MLLT1: variants seen among roughly 807,000 people sequenced by gnomAD.
MLLT1 encodes protein ENL.
A neutral mutation model predicts 55.1 loss-of-function variants in MLLT1; 11 were observed. The observed-to-expected ratio is 0.20, with a 90% CI of 0.13 to 0.33. The LOEUF (loss-of-function observed/expected upper bound fraction) is 0.33. Ranked by LOEUF, MLLT1 falls within the 10% of genes least tolerant of loss-of-function variation. The probability of loss-of-function intolerance (pLI) is 1.00; values close to 1 mark genes in which losing one functional copy is unlikely to be tolerated. For synonymous variants in MLLT1, 323 were observed against 320.1 expected, an observed-to-expected ratio of 1.01 and a Z score of -0.10; for missense variants, 536 against 760.6, an observed-to-expected ratio of 0.70 and a Z score of 3.47.
intron 1 of MLLT1, among the ~76,000 whole-genome samples, chr19:6,271,359 A>G (rs2091393933): frequency 6.6e-6 from 1 of 152,006 alleles, no homozygotes; most frequent in Non-Finnish European, 1.5e-5. Flanking sequence ...TCCTTTCCCT[A>G]AGTCATCAGC....
At chr19:6,263,149 A>G (rs370685959) in intron 2 of MLLT1, 2 of 152,394 alleles carry the variant, frequency 1.3e-5, no homozygotes, top group Middle Eastern at 3.4e-3. Flanking sequence ...GTGCCACTGC[A>G]CTCCAGCCTG....
chr19:6,268,453 G>A (rs546523578), intron 2 of MLLT1, among the ~76,000 whole-genome samples: 5 of 152,314 alleles, frequency 3.3e-5, no homozygotes, highest in East Asian at 1.9e-4. Context: ...AGACAGCCCC[G>A]GGGAGGGAGG....
At chr19:6,243,929 A>G (rs933228744) in intron 3 of MLLT1, among the ~76,000 whole-genome samples, 1 of 151,760 alleles carries the variant, frequency 6.6e-6, no homozygotes. Flanking sequence ...CTGTAGTCCC[A>G]GCCACTCGGG....
intron 1 of MLLT1, among the ~76,000 whole-genome samples, chr19:6,277,355 G>A (rs972110891): frequency 3.9e-5 from 6 of 152,184 alleles, no homozygotes; most frequent in Non-Finnish European, 4.4e-5. Context: ...CATCACCATC[G>A]ACGGAACTTT....
At position 6,211,514 on chromosome 19, in the gene MLLT1, G is replaced by T; in HGVS notation, c.*1528C>A. 2 of 746,328 alleles carry T rather than the reference G, an allele frequency of 2.7e-6. No homozygotes were observed. The highest frequency in any genetic ancestry group is 3.4e-6 in the Non-Finnish European group (2 of 587,622). The allele number at this position is 746,328 out of a possible 1,614,324, so 46.2% of individuals were successfully genotyped here. A position where few individuals can be genotyped will look rare whatever the true frequency, so the allele number is the denominator to read the frequency against. On this transcript the variant is annotated 3_prime_UTR_variant, in exon 12 of 12. Transcript: ENST00000252674. The surrounding 1 kb of genome is among the most constrained non-coding windows in gnomAD (Gnocchi z 4.6). ...GACAAGATGAGGGACCTCAGGGAGG[G>T]ACAGATGGAGCCCCCCAAGTCTGAA...
In MLLT1 at chr19:6,216,387, C is replaced by T. The variant is rs751549924; in HGVS notation, c.1307+18G>A. On this transcript the variant is annotated intron_variant, in intron 8 of 11. Coordinates refer to ENST00000252674, the MANE Select transcript of MLLT1 (RefSeq NM_005934.4). ...CCGGGTGGCCGCCTCCGCCCCCTGG[C>T]TCCCACCGGGCCGTCACCTGGAGTC... 1.9e-6 allele frequency: 3 copies of T among 1,577,954 alleles called. No homozygotes were observed. The highest frequency in any genetic ancestry group is 2.6e-6 in the Non-Finnish European group (3 of 1,159,672).
intron 1 of MLLT1, among the ~76,000 whole-genome samples, chr19:6,279,558 G>T (rs1043946259): frequency 6.6e-6 from 1 of 151,780 alleles, no homozygotes; most frequent in African/African-American, 2.4e-5. Context: ...TCCGGGCCCG[G>T]CCCGGGTCCC....
rs1384473574 is a variant in MLLT1 at position 6,262,254 on chromosome 19, G to C, written c.250C>G (p.Pro84Ala). 9.3e-6 allele frequency: 15 copies of C among 1,613,750 alleles called. No homozygotes were observed. The Admixed American group carries it at 2.3e-4, about 25-fold the overall frequency. ...TTGTTTTTGAAGTGCACCTCGATGGGCATGATGAAGCCAGCGTACCCCGAC... is the reference window on the plus strand; with the variant it reads ...TTGTTTTTGAAGTGCACCTCGATGGCCATGATGAAGCCAGCGTACCCCGAC... ...EESGYAGFIM[P>A]IEVHFKNKEE... is the part of the protein sequence containing the mutation. The change falls in exon 3 of 12, where the codon CCC becomes GCC. Residue 84 changes from proline to alanine, a missense_variant. This residue lies in a region of MLLT1 where 62 missense variants were observed against 195.8 expected (regional missense o/e 0.32). Coordinates refer to ENST00000252674, the MANE Select transcript of MLLT1 (RefSeq NM_005934.4). The surrounding 1 kb of genome is among the most constrained non-coding windows in gnomAD (Gnocchi z 4.4).
intron 3 of MLLT1, among the ~76,000 whole-genome samples, chr19:6,250,462 C>A (rs1157242517): frequency 6.6e-6 from 1 of 152,164 alleles, no homozygotes; most frequent in Admixed American, 6.5e-5. Flanking sequence ...TTCCAGGACA[C>A]CCTCTGGATA....
In MLLT1 at chr19:6,212,905, C is replaced by T. The variant is rs1040242923; in HGVS notation, c.*137G>A. 5 of 1,177,876 alleles carry T rather than the reference C, an allele frequency of 4.2e-6. No homozygotes were observed. Among genetic ancestry groups the T allele is most frequent in the Non-Finnish European group, 5.8e-6 (5 of 855,936 alleles). 73.0% of individuals were successfully genotyped at this position (1,177,876 alleles called of 1,614,324 possible). ...GGGCAGGGAGCCGCCGAGGAAAGTG[C>T]AGCGGGCTGTGCGGGCGAGGACAGG... On this transcript the variant is annotated 3_prime_UTR_variant, in exon 12 of 12. Coordinates refer to ENST00000252674, the MANE Select transcript of MLLT1 (RefSeq NM_005934.4).
Position 6,255,436 on chromosome 19 carries a change from T to C in MLLT1, c.276+6792A>G, listed in dbSNP as rs141099092. Among the ~76,000 whole-genome samples the C allele has an allele frequency of 1.9e-3, 289 of 152,266 alleles. 1 individual carries two copies. The highest frequency in any genetic ancestry group is 6.7e-3 in the African/African-American group (279 of 41,538). Reference sequence around the variant, plus strand: ...TGAATCCAGGAGGCAGAGGTTGCAGTGAGCCAAGATCGTGCCACTGCACTC... The same window carrying C: ...TGAATCCAGGAGGCAGAGGTTGCAGCGAGCCAAGATCGTGCCACTGCACTC... On this transcript the variant is annotated intron_variant, in intron 3 of 11. Transcript: ENST00000252674.
rs1041260525 is a variant in MLLT1 at position 6,212,190 on chromosome 19, C to G, written c.*852G>C. On this transcript the variant is annotated 3_prime_UTR_variant, in exon 12 of 12. Coordinates refer to ENST00000252674, the MANE Select transcript of MLLT1 (RefSeq NM_005934.4). ...TGTTGGCGCTAGTCTGAGTAGAGCC[C>G]GAGAGCAGACTGGTGGCTCCCGGGC... is the stretch of plus-strand genomic sequence containing the variant. 5.6e-6 allele frequency: 6 copies of G among 1,066,216 alleles called. No individual in the cohort carries two copies. Among genetic ancestry groups the G allele is most frequent in the African/African-American group, 3.3e-5 (2 of 61,062 alleles). 66.0% of individuals were successfully genotyped at this position (1,066,216 alleles called of 1,614,324 possible).
In MLLT1 at chr19:6,240,430, C is replaced by T. The variant is rs1009906118; in HGVS notation, c.277-9717G>A. 5.3e-5 allele frequency among the ~76,000 whole-genome samples: 8 copies of T among 152,206 alleles called. No individual in the cohort carries two copies. The highest frequency in any genetic ancestry group is 1.3e-4 in the Admixed American group (2 of 15,288). On this transcript the variant is annotated intron_variant, in intron 3 of 11. Coordinates refer to ENST00000252674, the MANE Select transcript of MLLT1 (RefSeq NM_005934.4). The surrounding 1 kb of genome is among the most constrained non-coding windows in gnomAD (Gnocchi z 4.7). ...CAGACACAGCAGGTGACGCAGAGGG[C>T]GGGCTCCAAGCGGAGCTGGCACCCG...
In MLLT1 at chr19:6,273,461, T is replaced by G. The variant is rs1244845454; in HGVS notation, c.13-2702A>C. Among the ~76,000 whole-genome samples, 2 of 151,912 alleles carry G rather than the reference T, an allele frequency of 1.3e-5. No individual in the cohort carries two copies. Among genetic ancestry groups the G allele is most frequent in the Non-Finnish European group, 2.9e-5 (2 of 67,970 alleles). On this transcript the variant is annotated intron_variant, in intron 1 of 11. Transcript: ENST00000252674. The surrounding 1 kb of genome is among the most constrained non-coding windows in gnomAD (Gnocchi z 4.3). ...GCTGCGGATTCATGAGGATCTCAGG[T>G]AAAAGTACCCCCACCAAACACACGA...
At chr19:6,215,739 G>A (rs1292625506) in intron 8 of MLLT1, among the ~76,000 whole-genome samples, 2 of 152,296 alleles carry the variant, frequency 1.3e-5, no homozygotes, top group African/African-American at 2.4e-5. Flanking sequence ...CTGACTGCCG[G>A]CTCTGCTACA....
At chr19:6,239,115 G>A (rs938548497) in intron 3 of MLLT1, among the ~76,000 whole-genome samples, 7 of 152,212 alleles carry the variant, frequency 4.6e-5, no homozygotes, top group Non-Finnish European at 1.0e-4. Flanking sequence ...AGCCTCTCGC[G>A]TCCACAGAGC....
Position 6,227,702 on chromosome 19 carries a change from G to A in MLLT1, c.421-600C>T, listed in dbSNP as rs1056465388. 1.3e-5 allele frequency among the ~76,000 whole-genome samples: 2 copies of A among 152,212 alleles called. No individual in the cohort carries two copies. The highest frequency in any genetic ancestry group is 2.9e-5 in the Non-Finnish European group (2 of 68,042). On this transcript the variant is annotated intron_variant, in intron 4 of 11. Coordinates refer to ENST00000252674, the MANE Select transcript of MLLT1 (RefSeq NM_005934.4). The surrounding 1 kb of genome is among the most constrained non-coding windows in gnomAD (Gnocchi z 5.1). ...CTCTCTGCAAAGCAGGCCCGAGTGA[G>A]CCAGCGAGCCTGCAGCATGGGGCAC... is the stretch of plus-strand genomic sequence containing the variant.
chr19:6,247,773 A>G (rs1411636288), intron 3 of MLLT1, among the ~76,000 whole-genome samples: 1 of 152,262 alleles, frequency 6.6e-6, no homozygotes, highest in Non-Finnish European at 1.5e-5. Context: ...TTACTGGTTC[A>G]GCATCCCTAA....
rs4514808 is a variant in MLLT1 at position 6,229,789 on chromosome 19, C to T, written c.420+781G>A. ...TACACACGACACACACCCCATACCA[C>T]ACATGCCACTCACACCATACACGAG... On this transcript the variant is annotated intron_variant, in intron 4 of 11. Coordinates refer to ENST00000252674, the MANE Select transcript of MLLT1 (RefSeq NM_005934.4). The surrounding 1 kb of genome is among the most constrained non-coding windows in gnomAD (Gnocchi z 5.2). Among the ~76,000 whole-genome samples, 20 of 151,948 alleles carry T rather than the reference C, an allele frequency of 1.3e-4. No homozygotes were observed. The highest frequency in any genetic ancestry group is 3.9e-4 in the Admixed American group (6 of 15,260).
Sources: gnomAD v4.1 joint callset for allele counts (sites outside exome capture counted in the v4.1 genomes callset) on GRCh38, gnomAD v4.1.1 for gene constraint, gnomAD v4.1.1 regional missense constraint, Gnocchi (gnomAD v3.1) non-coding constraint, MANE v1.5 for transcripts, NCBI Gene and HGNC (gene_info 2026-07-23, HGNC 2026-07-21) for gene names.